CENPN: variants seen among roughly 807,000 people sequenced by gnomAD.
CENPN encodes the protein interphase centromere complex protein 32.
CENPN carries 36 observed loss-of-function variants against 48.6 expected under a neutral mutation model. The observed-to-expected ratio is 0.74, with a 90% CI of 0.57 to 0.98. The LOEUF is 0.98. Ranked by LOEUF, CENPN falls within the 50% of genes least tolerant of loss-of-function variation. The pLI is 0.00. For missense variants in CENPN, 439 were observed against 399.2 expected, an observed-to-expected ratio of 1.10 and a Z score of -0.85; for synonymous variants, 166 against 135.2, an observed-to-expected ratio of 1.23 and a Z score of -1.58.
At chr16:81,026,222 T>C (rs1056661605) in intron 8 of CENPN, among the ~76,000 whole-genome samples, 10 of 150,150 alleles carry the variant, frequency 6.7e-5, no homozygotes, top group Non-Finnish European at 1.2e-4. Flanking sequence ...TATATATATA[T>C]ACACATATAT....
chr16:81,012,025 A>AT lies in CENPN; in HGVS notation c.92dup (p.Leu31PhefsTer3). On this transcript the variant is annotated frameshift_variant, in exon 2 of 11. Coordinates refer to ENST00000305850, the MANE Select transcript of CENPN (RefSeq NM_001100624.3). LOFTEE classifies it high-confidence loss of function. ...CTGACAACAATCCTGAAGGCCTGGG[A>AT]TTTTTTGTCTGAAAATCAACTGCAG... The AT allele has an allele frequency of 2.5e-6, 4 of 1,614,122 alleles. No individual in the cohort carries two copies. The highest frequency in any genetic ancestry group is 2.5e-6 in the Non-Finnish European group (3 of 1,180,000).
chr16:81,016,278 T>G (rs1186166257), intron 3 of CENPN, among the ~76,000 whole-genome samples: 1 of 152,228 alleles, frequency 6.6e-6, no homozygotes, highest in Non-Finnish European at 1.5e-5. Context: ...GAGGATTGCT[T>G]GAGCCCGCGA....
intron 3 of CENPN, 52 bp from the exon 4 acceptor site, chr16:81,017,274 T>A (rs1057503665): frequency 4.1e-5 from 48 of 1,168,816 alleles, no homozygotes; most frequent in Non-Finnish European, 6.0e-5. Context: ...ATAAGCATAT[T>A]ACTTCAAAGT....
intron 8 of CENPN, among the ~76,000 whole-genome samples, chr16:81,026,069 A>ATGTGTG (rs56927276): frequency 1.7e-3 from 227 of 136,626 alleles, no homozygotes; most frequent in South Asian, 2.7e-3. Context: ...ATATATATAT[A>ATGTGTG]TGTGTGTGTG....
At position 81,030,107 on chromosome 16, in the gene CENPN, C is replaced by A; in HGVS notation, c.*1456C>A. On this transcript the variant is annotated 3_prime_UTR_variant, in exon 11 of 11. Transcript: ENST00000305850. ...ACCATGAGAATAGTATGGGGGAAAT[C>A]GTTCCCATGACTCAAGTATCTCCAC... The A allele has an allele frequency of 4.6e-6, 3 of 654,380 alleles. No individual in the cohort carries two copies. Among genetic ancestry groups the A allele is most frequent in the Non-Finnish European group, 5.7e-6 (3 of 527,748 alleles). The allele number at this position is 654,380 out of a possible 1,614,324, so 40.5% of individuals were successfully genotyped here. A position where few individuals can be genotyped will look rare whatever the true frequency, so the allele number is the denominator to read the frequency against.
chr16:81,021,741 AC>A (rs925334773), intron 6 of CENPN, among the ~76,000 whole-genome samples: 106 of 149,028 alleles, frequency 7.1e-4, no homozygotes, highest in African/African-American at 2.5e-3. Context: ...TTTAAACATT[AC>A]CCCAAAGGCT....
At position 81,026,649 on chromosome 16, in the gene CENPN, G is replaced by T; in HGVS notation, c.810+11G>T. On this transcript the variant is annotated intron_variant, in intron 9 of 10. Coordinates refer to ENST00000305850, the MANE Select transcript of CENPN (RefSeq NM_001100624.3). ...TTTGCACAATATAAGGTAAGATGTC[G>T]TAATAAATATTAAGTACAAGATATC... 6.0e-6 allele frequency: 8 copies of T among 1,331,818 alleles called. 2 individuals are homozygous for T. In the South Asian group the frequency reaches 8.7e-5, roughly 15 times the overall value. The allele number at this position is 1,331,818 out of a possible 1,614,324, so 82.5% of individuals were successfully genotyped here.
chr16:81,030,672 C>T lies in CENPN; in HGVS notation c.*2021C>T, dbSNP rs771588177. The T allele has an allele frequency of 3.7e-4, 56 of 152,386 alleles. No homozygotes were observed. The highest frequency in any genetic ancestry group is 1.2e-3 in the Admixed American group (19 of 15,276). 9.4% of individuals were successfully genotyped at this position (152,386 alleles called of 1,614,324 possible). On this transcript the variant is annotated 3_prime_UTR_variant, in exon 11 of 11. Coordinates refer to ENST00000305850, the MANE Select transcript of CENPN (RefSeq NM_001100624.3). ...GCTGAGGCAGGAGAACTGGTTGAAC[C>T]GGGGAGGCAGAGGTTGCAGTGAGCC...
At position 81,030,511 on chromosome 16, in the gene CENPN, A is replaced by G. The variant is rs143186729; in HGVS notation, c.*1860A>G. 4.3e-5 allele frequency: 26 copies of G among 598,512 alleles called. No individual in the cohort carries two copies. In the East Asian group the frequency reaches 3.4e-3, roughly 79 times the overall value. 37.1% of individuals were successfully genotyped at this position (598,512 alleles called of 1,614,324 possible). On this transcript the variant is annotated 3_prime_UTR_variant, in exon 11 of 11. Transcript: ENST00000305850. ...CGCCTGTAATCCTAGCACTTTGGGAAGCCGAGGTGGGCAGATCACCCGAGG... is the reference window on the plus strand; with the variant it reads ...CGCCTGTAATCCTAGCACTTTGGGAGGCCGAGGTGGGCAGATCACCCGAGG...
intron 2 of CENPN, 79 bp from the exon 3 acceptor site, chr16:81,014,057 C>G: frequency 1.7e-6 from 2 of 1,186,326 alleles, no homozygotes; most frequent in Non-Finnish European, 2.5e-6. Flanking sequence ...TCTGTTCTAA[C>G]CAATCCTAAA....
At chr16:81,021,959 A>G (rs1299050282) in intron 6 of CENPN, among the ~76,000 whole-genome samples, 2 of 152,102 alleles carry the variant, frequency 1.3e-5, no homozygotes, top group Admixed American at 6.6e-5. Context: ...GGGTTTCACC[A>G]TGTTGCCCAG....
chr16:81,014,795 C>T (rs1429705959), intron 3 of CENPN, among the ~76,000 whole-genome samples: 2 of 152,170 alleles, frequency 1.3e-5, no homozygotes, highest in African/African-American at 2.4e-5. Context: ...TGCCAACTTA[C>T]AACAGCTCAA....
At chr16:81,017,164 T>TA (rs11400504) in intron 3 of CENPN, 162 bp from the exon 4 acceptor site, 520,327 of 526,206 alleles carry the variant, frequency 0.99, 257,518 homozygotes, top group East Asian at 1. Context: ...TTATATGAAG[T>TA]ACTTTAATCC....
intron 1 of CENPN, among the ~76,000 whole-genome samples, chr16:81,008,985 T>C (rs1302918669): frequency 6.6e-6 from 1 of 152,176 alleles, no homozygotes; most frequent in Non-Finnish European, 1.5e-5. Context: ...GGCGGGAGGA[T>C]CACTTGAGCT....
intron 6 of CENPN, among the ~76,000 whole-genome samples, chr16:81,021,057 A>G (rs1214933239): frequency 6.6e-6 from 1 of 151,572 alleles, no homozygotes; most frequent in Non-Finnish European, 1.5e-5. Flanking sequence ...GCACCATTGC[A>G]CTCCAGCCTG....
intron 6 of CENPN, 41 bp downstream of exon 6, chr16:81,020,317 C>A: frequency 6.4e-7 from 1 of 1,569,160 alleles, no homozygotes. Flanking sequence ...TTTTATTATC[C>A]TATCTCAAAG....
At chr16:81,009,558 T>G (rs1969654550) in intron 1 of CENPN, among the ~76,000 whole-genome samples, 1 of 152,238 alleles carries the variant, frequency 6.6e-6, no homozygotes, top group African/African-American at 2.4e-5. Flanking sequence ...TGATCCTGAT[T>G]CTGTTCCTAC....
chr16:81,032,659 T>A (rs759539066), downstream of CENPN: 15 of 1,611,348 alleles, frequency 9.3e-6, no homozygotes, highest in Admixed American at 3.3e-5. Context: ...GAAGGACTTG[T>A]ACCTTCTGTT....
At chr16:81,019,852 G>C (rs1970098927) in intron 5 of CENPN, among the ~76,000 whole-genome samples, 1 of 148,114 alleles carries the variant, frequency 6.8e-6, no homozygotes, top group Admixed American at 6.7e-5. Flanking sequence ...ACTCCAGCCT[G>C]AGCAACTGAG....
Sources: allele counts gnomAD v4.1 joint callset (sites outside exome capture counted in the v4.1 genomes callset), GRCh38; gene constraint gnomAD v4.1.1; transcripts MANE v1.5; gene names NCBI Gene and HGNC (gene_info 2026-07-23, HGNC 2026-07-21).